The following CS variants were observed in gnomAD, a reference collection of about 807,000 sequenced individuals.
CS encodes citrate synthase.
Under a neutral mutation model 61.4 loss-of-function variants are expected in CS, and 13 were observed. The ratio of observed to expected loss-of-function variants is 0.21; its 90% CI spans 0.14 to 0.34. The LOEUF (loss-of-function observed/expected upper bound fraction) is 0.34. Ranked by LOEUF, CS falls within the 10% of genes least tolerant of loss-of-function variation. The probability of loss-of-function intolerance (pLI) is 1.00; values close to 1 mark genes in which losing one functional copy is unlikely to be tolerated. For synonymous variants in CS, 159 were observed against 215.2 expected, an observed-to-expected ratio of 0.74 and a Z score of 2.29; for missense variants, 278 against 573.4, an observed-to-expected ratio of 0.48 and a Z score of 5.26.
At chr12:56,286,727 CCT>C (rs1455264376) in intron 1 of CS, 82 bp from the exon 2 acceptor site, 8 of 1,221,798 alleles carry the variant, frequency 6.5e-6, no homozygotes, top group Non-Finnish European at 4.8e-6. Context: ...AGTGACTCAA[CCT>C]CTCTCTCTTC....
intron 1 of CS, chr12:56,291,406 G>T: frequency 2.4e-6 from 1 of 421,200 alleles, no homozygotes; most frequent in Non-Finnish European, 3.3e-6. Flanking sequence ...CTTTTTAAGG[G>T]CTTCTTGACC....
chr12:56,284,257 T>G lies in CS; in HGVS notation c.202-400A>C, dbSNP rs568489052. The stretch of plus-strand genomic sequence containing the variant: ...TCGCTTGAACCCAGAAGGCAGAGAT[T>G]GCAGTGAGCCAAGATCACACCATTG... On this transcript the variant is annotated intron_variant, in intron 3 of 10. Coordinates refer to ENST00000351328, the MANE Select transcript of CS (RefSeq NM_004077.3). Among the ~76,000 whole-genome samples, 4 of 145,876 alleles carry G rather than the reference T, an allele frequency of 2.7e-5. No individual in the cohort carries two copies. In the South Asian group the frequency reaches 8.5e-4, roughly 31 times the overall value.
intron 1 of CS, among the ~76,000 whole-genome samples, chr12:56,289,368 A>T (rs908997479): frequency 1.4e-4 from 22 of 152,122 alleles, no homozygotes; most frequent in African/African-American, 5.1e-4. Context: ...TGTCCCAGAG[A>T]CTACATCAGC....
chr12:56,275,346 G>A, intron 7 of CS: 2 of 513,768 alleles, frequency 3.9e-6, no homozygotes, highest in Non-Finnish European at 7.0e-6. Context: ...AGGCCAAGGC[G>A]GGTGGATCAT....
At chr12:56,273,358 A>C in intron 10 of CS, 104 bp from the exon 11 acceptor site, 1 of 1,246,276 alleles carries the variant, frequency 8.0e-7, no homozygotes, top group South Asian at 1.4e-5. Context: ...ATTTTTCTCC[A>C]AGGACTTAGC....
Position 56,273,099 on chromosome 12 carries a change from G to T in CS, c.1386C>A (p.Asp462Glu), listed in dbSNP as rs1565618523. 4 of 1,610,490 alleles carry T rather than the reference G, an allele frequency of 2.5e-6. No homozygotes were observed. The highest frequency in any genetic ancestry group is 2.5e-6 in the Non-Finnish European group (3 of 1,178,510). ...GTCTCCAGTTTTACCCTGACTTAGA[G>T]TCCACAAACTTCATCAGACCCTCTG... Reference protein sequence around the residue: ...MSTEGLMKFVDSKSG With the variant: ...MSTEGLMKFVESKSG The change falls in exon 11 of 11, where the codon GAC (aspartate) becomes GAA (glutamate). Residue 462 changes from aspartate (D) to glutamate (E), a missense_variant. Asp to Glu is a conservative substitution (Grantham distance 45). Coordinates refer to ENST00000351328, the MANE Select transcript of CS (RefSeq NM_004077.3).
intron 2 of CS, 92 bp from the exon 3 acceptor site, chr12:56,286,115 C>G: frequency 3.2e-6 from 3 of 950,640 alleles, no homozygotes; most frequent in Non-Finnish European, 5.0e-6. Flanking sequence ...TTTTTAGAAG[C>G]TGGCTTTATC....
At chr12:56,283,489 C>T (rs982997713) in intron 4 of CS, among the ~76,000 whole-genome samples, 6 of 152,070 alleles carry the variant, frequency 3.9e-5, no homozygotes, top group Admixed American at 6.6e-5. Flanking sequence ...ATGATCTGCC[C>T]GCCTCAGCCT....
At chr12:56,290,092 C>T (rs1026497616) in intron 1 of CS, among the ~76,000 whole-genome samples, 1 of 152,042 alleles carries the variant, frequency 6.6e-6, no homozygotes, top group African/African-American at 2.4e-5. Context: ...GACAGGGTTT[C>T]ACCACGTTGG....
chr12:56,286,387 T>C (rs1592410672), intron 2 of CS: 1 of 553,032 alleles, frequency 1.8e-6, no homozygotes, highest in African/African-American at 1.9e-5. Flanking sequence ...GGCAAATGTA[T>C]TGATATTCCC....
chr12:56,297,326 T>A (rs190278085), intron 1 of CS, among the ~76,000 whole-genome samples: 1 of 152,322 alleles, frequency 6.6e-6, no homozygotes, highest in Non-Finnish European at 1.5e-5. Flanking sequence ...CTAAGGCCAT[T>A]GCTTAGCATT....
intron 6 of CS, among the ~76,000 whole-genome samples, chr12:56,278,669 G>A (rs12371132): frequency 3.3e-5 from 5 of 151,710 alleles, no homozygotes; most frequent in Non-Finnish European, 7.4e-5. Flanking sequence ...CCTGGGAGGC[G>A]GAGGTTGCAG....
chr12:56,281,669 CT>C (rs1363821657), intron 6 of CS, among the ~76,000 whole-genome samples: 5 of 152,160 alleles, frequency 3.3e-5, no homozygotes, highest in African/African-American at 1.2e-4. Flanking sequence ...ACATCCTTTT[CT>C]TTTCTTGTTT....
chr12:56,290,275 A>C (rs1199378419), intron 1 of CS, among the ~76,000 whole-genome samples: 1 of 150,422 alleles, frequency 6.6e-6, no homozygotes, highest in Non-Finnish European at 1.5e-5. Flanking sequence ...GCAATGGCAC[A>C]ATCTTAGCTC....
intron 3 of CS, among the ~76,000 whole-genome samples, chr12:56,285,455 T>A (rs1265216162): frequency 2.6e-5 from 4 of 152,138 alleles, no homozygotes; most frequent in Non-Finnish European, 4.4e-5. Context: ...GCTAATTTTT[T>A]AAATTTTTCT....
chr12:56,282,319 C>CA, intron 6 of CS, 101 bp downstream of exon 6: 2 of 966,342 alleles, frequency 2.1e-6, no homozygotes, highest in Non-Finnish European at 3.0e-6. Flanking sequence ...CTGATTAACT[C>CA]AGAGGTAATT....
At chr12:56,277,152 CGA>C (rs1293575157) in intron 6 of CS, among the ~76,000 whole-genome samples, 1 of 149,464 alleles carries the variant, frequency 6.7e-6, no homozygotes, top group Non-Finnish European at 1.5e-5. Flanking sequence ...TGCAGTGAGC[CGA>C]GATAGTGCCA....
At chr12:56,296,025 C>G (rs1288811358) in intron 1 of CS, among the ~76,000 whole-genome samples, 1 of 128,304 alleles carries the variant, frequency 7.8e-6, no homozygotes, top group Non-Finnish European at 1.6e-5. Flanking sequence ...TAGGGATTTA[C>G]AAGAAACTTT....
At chr12:56,273,406 A>AT in intron 10 of CS, 152 bp from the exon 11 acceptor site, 1 of 975,340 alleles carries the variant, frequency 1.0e-6, no homozygotes, top group Admixed American at 2.7e-5. Flanking sequence ...TGAGAAAAGT[A>AT]TAGCAATTGG....
Sources: allele counts gnomAD v4.1 joint callset (sites outside exome capture counted in the v4.1 genomes callset), GRCh38; gene constraint gnomAD v4.1.1; transcripts MANE v1.5; gene names NCBI Gene and HGNC (gene_info 2026-07-23, HGNC 2026-07-21).